Variants in HCN1 observed in about 807,000 individuals in gnomAD.
HCN1 encodes potassium/sodium hyperpolarization-activated cyclic nucleotide-gated channel 1.
HCN1 carries 13 observed loss-of-function variants against 78.9 expected under a neutral mutation model. The observed-to-expected ratio is 0.16, with a 90% confidence interval of 0.11 to 0.26. HCN1 has a LOEUF of 0.26. Among genes scored for constraint, HCN1 ranks in the 10% least tolerant of loss-of-function variants. The probability of loss-of-function intolerance (pLI) is 1.00; values close to 1 mark genes in which losing one functional copy is unlikely to be tolerated. For synonymous variants in HCN1, 552 were observed against 455.5 expected (o/e 1.21, Z -2.70); for missense variants, 810 against 1,154.3 (o/e 0.70, Z 4.32).
chr5:45,509,560 G>A (rs190742677), intron 2 of HCN1, among the ~76,000 whole-genome samples: 13 of 152,180 alleles, frequency 8.5e-5, no homozygotes, highest in South Asian at 6.2e-4. Flanking sequence ...TGGGCCATGT[G>A]TGATTCCAGT....
chr5:45,296,151 T>C (rs1745488988), intron 6 of HCN1, among the ~76,000 whole-genome samples: 1 of 152,038 alleles, frequency 6.6e-6, no homozygotes, highest in East Asian at 1.9e-4. Flanking sequence ...CATACTTTCT[T>C]ACTCAAGTGA....
chr5:45,590,392 A>G (rs1161309514), intron 2 of HCN1, among the ~76,000 whole-genome samples: 1 of 152,174 alleles, frequency 6.6e-6, no homozygotes, highest in Non-Finnish European at 1.5e-5. Flanking sequence ...AGCTTCCTCC[A>G]ACATCAACAT....
intron 1 of HCN1, among the ~76,000 whole-genome samples, chr5:45,672,008 C>T (rs1486927167): frequency 1.3e-5 from 2 of 151,358 alleles, no homozygotes; most frequent in African/African-American, 4.8e-5. Context: ...TCTTTCTTTC[C>T]TGAATTTCAA....
chr5:45,402,812 C>CTT (rs1739843210), intron 3 of HCN1, among the ~76,000 whole-genome samples: 2 of 126,256 alleles, frequency 1.6e-5, no homozygotes, highest in Non-Finnish European at 3.3e-5. Flanking sequence ...TCCTTTCTTT[C>CTT]CTCCTTCCTT....
At chr5:45,664,481 A>G (rs1029374860) in intron 1 of HCN1, among the ~76,000 whole-genome samples, 1 of 150,316 alleles carries the variant, frequency 6.7e-6, no homozygotes, top group Non-Finnish European at 1.5e-5. Context: ...AGAAAAAAAA[A>G]AAAAGAAACT....
At chr5:45,302,384 G>A (rs959995760) in intron 6 of HCN1, among the ~76,000 whole-genome samples, 2 of 151,998 alleles carry the variant, frequency 1.3e-5, no homozygotes, top group Non-Finnish European at 2.9e-5. Flanking sequence ...CAGCTATGTG[G>A]AACTGTGAGA....
intron 5 of HCN1, among the ~76,000 whole-genome samples, chr5:45,322,787 C>A (rs1012019242): frequency 1.3e-5 from 2 of 151,736 alleles, no homozygotes; most frequent in Admixed American, 6.6e-5. Context: ...GAATGCTCAA[C>A]CTGCAGTTAC....
At chr5:45,298,896 T>C (rs1017848120) in intron 6 of HCN1, among the ~76,000 whole-genome samples, 9 of 152,002 alleles carry the variant, frequency 5.9e-5, no homozygotes, top group African/African-American at 1.7e-4. Context: ...TCAACAGCAA[T>C]AAGATATATT....
rs939019880 is a variant in HCN1 at position 45,280,825 on chromosome 5, G to A, written c.1619-13572C>T. ...CTTTTTTGGATACTCTTCTTGGAAC[G>A]TTGTAAAGCAAATGCTAATCACTTT... On this transcript the variant is annotated intron_variant, in intron 6 of 7. Coordinates refer to ENST00000303230, the MANE Select transcript of HCN1 (RefSeq NM_021072.4). Among the ~76,000 whole-genome samples the A allele has an allele frequency of 9.2e-5, 14 of 152,228 alleles. 1 individual carries two copies. The highest frequency in any genetic ancestry group is 3.9e-4 in the East Asian group (2 of 5,182).
At chr5:45,334,721 G>C (rs1746419163) in intron 5 of HCN1, among the ~76,000 whole-genome samples, 2 of 151,930 alleles carry the variant, frequency 1.3e-5, no homozygotes, top group Non-Finnish European at 2.9e-5. Flanking sequence ...TAGGCCAAAA[G>C]AGTGACACAC....
At chr5:45,638,752 A>C (rs1347114861) in intron 2 of HCN1, among the ~76,000 whole-genome samples, 4 of 152,038 alleles carry the variant, frequency 2.6e-5, no homozygotes, top group African/African-American at 7.2e-5. Context: ...CAAATAGAAA[A>C]ATTAGCCAGG....
At position 45,589,838 on chromosome 5, in the gene HCN1, C is replaced by T. The variant is rs368551942; in HGVS notation, c.849+55347G>A. The stretch of plus-strand genomic sequence containing the variant: ...TAATTAAGTTCCTTTAATAATGTGA[C>T]AGTTAGACAAGTTGTCTAAAGGTGA... On this transcript the variant is annotated intron_variant, in intron 2 of 7. Transcript: ENST00000303230. Among the ~76,000 whole-genome samples the T allele has an allele frequency of 3.2e-4, 48 of 152,220 alleles. 1 individual carries two copies. The East Asian group carries it at 7.1e-3, about 23-fold the overall frequency.
intron 3 of HCN1, among the ~76,000 whole-genome samples, chr5:45,397,970 A>T (rs1458434043): frequency 1.3e-5 from 2 of 151,656 alleles, no homozygotes; most frequent in African/African-American, 4.8e-5. Context: ...TTAAATTTAA[A>T]TTTAAATTTT....
At chr5:45,420,689 A>G (rs1740209036) in intron 3 of HCN1, among the ~76,000 whole-genome samples, 2 of 152,138 alleles carry the variant, frequency 1.3e-5, no homozygotes, top group Non-Finnish European at 2.9e-5. Context: ...AACTCAAAGT[A>G]GAACATAATC....
At chr5:45,659,518 G>A (rs959090283) in intron 1 of HCN1, among the ~76,000 whole-genome samples, 46 of 129,124 alleles carry the variant, frequency 3.6e-4, no homozygotes, top group African/African-American at 1.5e-3. Flanking sequence ...GCTACGGGAG[G>A]ACATTCAAAC....
intron 2 of HCN1, among the ~76,000 whole-genome samples, chr5:45,482,218 G>T (rs1365560062): frequency 6.6e-6 from 1 of 152,200 alleles, no homozygotes; most frequent in Non-Finnish European, 1.5e-5. Context: ...TCTTCTGTGT[G>T]CTTCAATGTC....
At chr5:45,664,755 T>A in intron 1 of HCN1, among the ~76,000 whole-genome samples, 1 of 151,898 alleles carries the variant, frequency 6.6e-6, no homozygotes, top group Non-Finnish European at 1.5e-5. Flanking sequence ...TGAGATACCA[T>A]CTCACACTAG....
intron 2 of HCN1, among the ~76,000 whole-genome samples, chr5:45,611,334 C>G (rs1490717296): frequency 7.3e-6 from 1 of 136,378 alleles, no homozygotes; most frequent in Non-Finnish European, 1.5e-5. Context: ...TGCAGTGACA[C>G]AATCTTGGCT....
intron 2 of HCN1, chr5:45,644,857 A>G: frequency 2.9e-6 from 1 of 340,028 alleles, no homozygotes. Flanking sequence ...ATGGTACTTG[A>G]TGTATTTATA....
Sources: gnomAD v4.1 joint callset for allele counts (sites outside exome capture counted in the v4.1 genomes callset) on GRCh38, gnomAD v4.1.1 for gene constraint, MANE v1.5 for transcripts, NCBI Gene and HGNC (gene_info 2026-07-23, HGNC 2026-07-21) for gene names.